Variants in KLRG1 observed in about 807,000 individuals in gnomAD.
The protein encoded by KLRG1 is killer cell lectin like receptor G1.
In KLRG1, 16 loss-of-function variants were observed where a neutral mutation model predicts 21.8. The ratio of observed to expected loss-of-function variants is 0.73; its 90% CI spans 0.50 to 1.11. The LOEUF (loss-of-function observed/expected upper bound fraction) is 1.11. Among genes scored for constraint, KLRG1 ranks in the 50% most tolerant of loss-of-function variants. KLRG1 has a pLI of 0.00. For synonymous variants in KLRG1, 69 were observed against 75.9 expected (o/e 0.91, Z 0.47); for missense variants, 173 against 218.3 (o/e 0.79, Z 1.31).
intron 1 of KLRG1, among the ~76,000 whole-genome samples, chr12:8,979,220 G>C (rs1360491487): frequency 1.3e-5 from 2 of 151,738 alleles, no homozygotes; most frequent in African/African-American, 4.8e-5. Flanking sequence ...GTTTCACCAT[G>C]TTGGCCAGGC....
the KLRG1 span, among the ~76,000 whole-genome samples, chr12:9,092,042 T>C: frequency 6.6e-6 from 1 of 152,230 alleles, no homozygotes; most frequent in Non-Finnish European, 1.5e-5. Flanking sequence ...AGTTTCTCCC[T>C]GGAAGGGCTT....
the KLRG1 span, among the ~76,000 whole-genome samples, chr12:9,133,949 C>T: frequency 6.6e-6 from 1 of 152,152 alleles, no homozygotes; most frequent in Non-Finnish European, 1.5e-5. Flanking sequence ...TATCCAGAAA[C>T]TGGTCTGTGG....
chr12:8,992,147 T>C, intron 1 of KLRG1, 59 bp from the exon 2 acceptor site: 7 of 1,426,046 alleles, frequency 4.9e-6, no homozygotes, highest in Non-Finnish European at 6.8e-6. Context: ...TCCCTGACTT[T>C]CTCTTTTCTT....
At chr12:9,080,299 G>T in the KLRG1 span, 5 of 537,912 alleles carry the variant, frequency 9.3e-6, no homozygotes, top group African/African-American at 9.8e-5. Context: ...AAAGTTGTCC[G>T]CCTTTAATAC....
intron 1 of KLRG1, among the ~76,000 whole-genome samples, chr12:8,956,751 A>G (rs1253890010): frequency 6.6e-6 from 1 of 152,124 alleles, no homozygotes; most frequent in African/African-American, 2.4e-5. Context: ...CTGACCTTTG[A>G]AGTTCCGCAG....
the KLRG1 span, chr12:9,037,125 C>T: frequency 6.2e-6 from 1 of 160,634 alleles, no homozygotes; most frequent in East Asian, 1.9e-4. Flanking sequence ...AAAGAGACTT[C>T]ATTTACACTC....
the KLRG1 span, among the ~76,000 whole-genome samples, chr12:9,061,577 G>A: frequency 7.4e-4 from 112 of 152,252 alleles, no homozygotes; most frequent in African/African-American, 2.6e-3. Context: ...ACTTTGAGAG[G>A]CTTAAGTAGA....
the KLRG1 span, chr12:9,113,606 C>A: frequency 6.8e-7 from 1 of 1,462,080 alleles, no homozygotes. Context: ...ATCAACAGCA[C>A]TTTTTTCCAT....
At chr12:9,059,867 A>T in the KLRG1 span, among the ~76,000 whole-genome samples, 1 of 151,292 alleles carries the variant, frequency 6.6e-6, no homozygotes, top group Non-Finnish European at 1.5e-5. Context: ...TTTGGTAGAG[A>T]TGAGGTTTTG....
chr12:9,188,494 T>C, the KLRG1 span, among the ~76,000 whole-genome samples: 1 of 152,284 alleles, frequency 6.6e-6, no homozygotes, highest in East Asian at 1.9e-4. Context: ...ACCACTCCTA[T>C]TGAACACAGT....
chr12:9,074,742 G>A, the KLRG1 span: 1 of 1,613,772 alleles, frequency 6.2e-7, no homozygotes, highest in South Asian at 1.1e-5. Context: ...TGCCCCACTG[G>A]TGCCTTGGGT....
the KLRG1 span, among the ~76,000 whole-genome samples, chr12:9,176,149 C>T: frequency 2.0e-3 from 298 of 152,264 alleles, 2 homozygotes; most frequent in Non-Finnish European, 3.4e-3. Flanking sequence ...GAGTTCATGT[C>T]CTTTGCAGAG....
In KLRG1 at chr12:9,010,100, C is replaced by T. The variant is rs749871662; in HGVS notation, c.*563C>T. On this transcript the variant is annotated 3_prime_UTR_variant, in exon 5 of 5. Transcript: ENST00000356986. The stretch of plus-strand genomic sequence containing the variant: ...ATTTGGGAAGCTGAGGTGGGAGGGT[C>T]GCTTGAGCCCAGGAGTTTGAGGCTG... 5.1e-4 allele frequency: 636 copies of T among 1,253,554 alleles called. 4 individuals carry two copies. The East Asian group carries it at 0.012, about 24-fold the overall frequency. 77.7% of individuals were successfully genotyped at this position (1,253,554 alleles called of 1,614,324 possible). A position where few individuals can be genotyped will look rare whatever the true frequency, so the allele number is the denominator to read the frequency against.
chr12:9,168,010 G>T, the KLRG1 span, among the ~76,000 whole-genome samples: 1 of 152,082 alleles, frequency 6.6e-6, no homozygotes, highest in African/African-American at 2.4e-5. Context: ...CCTTTAAAAG[G>T]TGTCATTTTC....
At chr12:9,207,499 TAGG>T in the KLRG1 span, among the ~76,000 whole-genome samples, 4 of 152,088 alleles carry the variant, frequency 2.6e-5, no homozygotes, top group Non-Finnish European at 5.9e-5. Context: ...GATGCAAAGG[TAGG>T]AGTTCTATGG....
the KLRG1 span, chr12:9,128,779 G>A: frequency 6.6e-6 from 1 of 152,200 alleles, no homozygotes; most frequent in Non-Finnish European, 1.5e-5. Context: ...GTGGGGGGAA[G>A]AATGCAATTA....
At chr12:9,203,094 T>C in the KLRG1 span, among the ~76,000 whole-genome samples, 1 of 152,160 alleles carries the variant, frequency 6.6e-6, no homozygotes, top group Non-Finnish European at 1.5e-5. Context: ...GCATGCAAAG[T>C]TTTTATCATG....
intron 3 of KLRG1, among the ~76,000 whole-genome samples, chr12:9,000,759 TTC>T (rs1947282878): frequency 6.6e-6 from 1 of 152,254 alleles, no homozygotes; most frequent in African/African-American, 2.4e-5. Flanking sequence ...TGTCCATTTA[TTC>T]ATCAGTGGAT....
chr12:9,092,151 G>A, the KLRG1 span, among the ~76,000 whole-genome samples: 2 of 152,228 alleles, frequency 1.3e-5, no homozygotes, highest in African/African-American at 4.8e-5. Flanking sequence ...TTACAGGAAG[G>A]CTGAAAAGCA....
Sources: allele counts gnomAD v4.1 joint callset (sites outside exome capture counted in the v4.1 genomes callset), GRCh38; gene constraint gnomAD v4.1.1; transcripts MANE v1.5; gene names NCBI Gene and HGNC (gene_info 2026-07-23, HGNC 2026-07-21).